ATAD2B: variants seen among roughly 807,000 people sequenced by gnomAD.
ATAD2B encodes the protein ATPase family AAA domain containing 2B.
In ATAD2B, 40 loss-of-function variants were observed where a neutral mutation model predicts 167.6. The ratio of observed to expected loss-of-function variants is 0.24; its 90% confidence interval spans 0.19 to 0.31. ATAD2B has a LOEUF of 0.31. Among genes scored for constraint, ATAD2B ranks in the 10% least tolerant of loss-of-function variants. The probability of loss-of-function intolerance (pLI) is 1.00; values close to 1 mark genes in which losing one functional copy is unlikely to be tolerated. For synonymous variants in ATAD2B, 579 were observed against 596.5 expected (o/e 0.97, Z 0.43); for missense variants, 1,242 against 1,757.2 (o/e 0.71, Z 5.24).
At chr2:23,685,884 G>C in the ATAD2B span, among the ~76,000 whole-genome samples, 2 of 152,216 alleles carry the variant, frequency 1.3e-5, no homozygotes, top group African/African-American at 4.8e-5. Flanking sequence ...CTAGGGTCTT[G>C]GGCCTGGCTC....
chr2:23,825,812 A>C (rs1294352160), intron 15 of ATAD2B, among the ~76,000 whole-genome samples: 1 of 152,092 alleles, frequency 6.6e-6, no homozygotes, highest in Non-Finnish European at 1.5e-5. Context: ...ACAAATAATT[A>C]GCCACTAGAA....
At chr2:23,733,476 A>C in the ATAD2B span, among the ~76,000 whole-genome samples, 1 of 152,222 alleles carries the variant, frequency 6.6e-6, no homozygotes, top group African/African-American at 2.4e-5. Context: ...AAGCTGCCTA[A>C]GTGATCTGAT....
chr2:23,908,907 A>G (rs1573393238), intron 1 of ATAD2B, among the ~76,000 whole-genome samples: 1 of 148,776 alleles, frequency 6.7e-6, no homozygotes, highest in African/African-American at 2.5e-5. Flanking sequence ...CAAACACCGC[A>G]TATTCTCACT....
At chr2:23,774,461 A>T (rs777213691) in intron 22 of ATAD2B, among the ~76,000 whole-genome samples, 5 of 152,218 alleles carry the variant, frequency 3.3e-5, no homozygotes, top group Non-Finnish European at 5.9e-5. Context: ...TCTCCAAAGA[A>T]AACAAAAAAC....
At chr2:23,889,915 T>C (rs1699231797) in intron 2 of ATAD2B, among the ~76,000 whole-genome samples, 1 of 150,618 alleles carries the variant, frequency 6.6e-6, no homozygotes, top group Non-Finnish European at 1.5e-5. Context: ...CAAGGCTCCA[T>C]CTAAAAAACA....
At chr2:23,885,554 G>C (rs1448575524) in intron 5 of ATAD2B, among the ~76,000 whole-genome samples, 173 bp downstream of exon 5, 1 of 152,184 alleles carries the variant, frequency 6.6e-6, no homozygotes, top group African/African-American at 2.4e-5. Context: ...GTTGTAGCAA[G>C]AGGAGAATGA....
chr2:23,739,816 A>G, the ATAD2B span, among the ~76,000 whole-genome samples: 1 of 152,166 alleles, frequency 6.6e-6, no homozygotes, highest in East Asian at 1.9e-4. Context: ...AGACTAATAA[A>G]GAAGAAAAGA....
chr2:23,869,108 A>C (rs1274513155), intron 9 of ATAD2B, among the ~76,000 whole-genome samples: 1 of 152,180 alleles, frequency 6.6e-6, no homozygotes, highest in Non-Finnish European at 1.5e-5. Flanking sequence ...ATAAATAATA[A>C]TTTGACACTT....
At chr2:23,791,151 T>G (rs1277532962) in intron 19 of ATAD2B, among the ~76,000 whole-genome samples, 1 of 152,264 alleles carries the variant, frequency 6.6e-6, no homozygotes, top group Non-Finnish European at 1.5e-5. Flanking sequence ...TGCTGAATAG[T>G]ATTTCATCAC....
chr2:23,878,211 A>C (rs1367249129), intron 7 of ATAD2B, among the ~76,000 whole-genome samples: 1 of 151,644 alleles, frequency 6.6e-6, no homozygotes, highest in Non-Finnish European at 1.5e-5. Context: ...AAATACAAAA[A>C]TTAGCCAGGT....
intron 2 of ATAD2B, among the ~76,000 whole-genome samples, chr2:23,888,913 C>T (rs1434202098): frequency 3.3e-5 from 5 of 152,276 alleles, no homozygotes. Context: ...ACAATTCTCT[C>T]TTTTGGGTGG....
At chr2:23,807,931 TAA>T (rs1491525714) in intron 18 of ATAD2B, among the ~76,000 whole-genome samples, 1 of 129,598 alleles carries the variant, frequency 7.7e-6, no homozygotes, top group Non-Finnish European at 1.6e-5. Flanking sequence ...AATATATTTA[TAA>T]TATATATAAA....
At chr2:23,926,141 A>G in intron 1 of ATAD2B, among the ~76,000 whole-genome samples, 1 of 152,150 alleles carries the variant, frequency 6.6e-6, no homozygotes, top group East Asian at 1.9e-4. Flanking sequence ...CAGCGGCAGG[A>G]ACTGACACAC....
At chr2:23,696,522 G>GCCAC in the ATAD2B span, 1 of 1,512,908 alleles carries the variant, frequency 6.6e-7, no homozygotes, top group African/African-American at 1.4e-5. The surrounding 1 kb of genome is among the most constrained non-coding windows in gnomAD (Gnocchi z 5.5). Context: ...AGGTAATGAG[G>GCCAC]CCACGGTCAG....
chr2:23,896,324 CAA>C (rs200614932), intron 1 of ATAD2B, among the ~76,000 whole-genome samples: 9 of 124,684 alleles, frequency 7.2e-5, no homozygotes, highest in Admixed American at 1.7e-4. Context: ...GACTTTGTCT[CAA>C]AAAAAAAAAA....
At chr2:23,915,620 T>A in intron 1 of ATAD2B, among the ~76,000 whole-genome samples, 1 of 82,082 alleles carries the variant, frequency 1.2e-5, no homozygotes. Flanking sequence ...TTTGAGACAG[T>A]CTTGCTCTGT....
At chr2:23,825,852 A>G (rs1220977079) in intron 15 of ATAD2B, among the ~76,000 whole-genome samples, 1 of 152,202 alleles carries the variant, frequency 6.6e-6, no homozygotes, top group Non-Finnish European at 1.5e-5. Flanking sequence ...GTTACCCATA[A>G]CATTTATGTT....
chr2:23,823,526 G>T lies in ATAD2B; in HGVS notation c.1863C>A (p.Ala621=). The change falls in exon 16 of 28, where the codon GCC becomes GCA. Residue 621 remains alanine (A), a synonymous_variant. Transcript: ENST00000238789. ...ADIKALCTEA[A]LIALRRRYPQ... ...GATAACGCCTCCGCAGTGCAATCAG[G>T]GCGGCTTCAGTGCACAGGGCCTTGA... is the stretch of plus-strand genomic sequence containing the variant. The T allele has an allele frequency of 1.2e-6, 2 of 1,613,272 alleles. No homozygotes were observed.
At chr2:23,714,484 C>T in the ATAD2B span, among the ~76,000 whole-genome samples, 2 of 150,476 alleles carry the variant, frequency 1.3e-5, no homozygotes, top group African/African-American at 4.9e-5. Flanking sequence ...TCGTGATCCA[C>T]CCGCCTCGGC....
Sources: allele counts gnomAD v4.1 joint callset (sites outside exome capture counted in the v4.1 genomes callset), GRCh38; gene constraint gnomAD v4.1.1; non-coding constraint Gnocchi (gnomAD v3.1); transcripts MANE v1.5; gene names NCBI Gene and HGNC (gene_info 2026-07-23, HGNC 2026-07-21).